Variants in DAB2IP observed in about 807,000 individuals in gnomAD.
The protein encoded by DAB2IP is disabled homolog 2-interacting protein.
Under a neutral mutation model 107.2 loss-of-function variants are expected in DAB2IP, and 28 were observed. That is an observed-to-expected ratio of 0.26 (90% CI 0.19 to 0.36). The LOEUF (loss-of-function observed/expected upper bound fraction) is 0.36. Ranked by LOEUF, DAB2IP falls within the 10% of genes least tolerant of loss-of-function variation. DAB2IP has a pLI of 1.00. For synonymous variants in DAB2IP, 755 were observed against 706.4 expected (o/e 1.07, Z -1.09); for missense variants, 1,400 against 1,644.7 (o/e 0.85, Z 2.57).
At chr9:121,668,889 G>C (rs546237854) in intron 1 of DAB2IP, among the ~76,000 whole-genome samples, 3 of 150,726 alleles carry the variant, frequency 2.0e-5, no homozygotes, top group South Asian at 4.2e-4. Flanking sequence ...CAGCTTAAAG[G>C]GTCCATAGTA....
chr9:121,652,288 T>C (rs1425693173), intron 1 of DAB2IP, among the ~76,000 whole-genome samples: 2 of 152,074 alleles, frequency 1.3e-5, no homozygotes, highest in Admixed American at 6.5e-5. Context: ...TTCTTCCCTT[T>C]CCAGGAACTT....
At chr9:121,651,283 G>A (rs933795324), upstream of DAB2IP, among the ~76,000 whole-genome samples, 1 of 152,238 alleles carries the variant, frequency 6.6e-6, no homozygotes, top group African/African-American at 2.4e-5. This position sits in a 1 kb window ranked among gnomAD's most constrained non-coding sequence, Gnocchi z 5.1. Flanking sequence ...GGCAGGAACG[G>A]ACCCTAATTG....
At chr9:121,628,842 T>G (rs1017278566) in intron 1 of DAB2IP, among the ~76,000 whole-genome samples, 2 of 152,202 alleles carry the variant, frequency 1.3e-5, no homozygotes, top group African/African-American at 4.8e-5. Flanking sequence ...GACTCTGTTG[T>G]TACCAGCTGT....
chr9:121,776,316 G>A lies in DAB2IP; in HGVS notation c.3239G>A (p.Arg1080Gln), dbSNP rs1348657443. 8.9e-6 allele frequency: 14 copies of A among 1,565,198 alleles called. No homozygotes were observed. Among genetic ancestry groups the A allele is most frequent in the Non-Finnish European group, 5.2e-6 (6 of 1,154,814 alleles). ...AAGCTGGTGCTGGAGTACCAGGCACGGCTGGAGGAGGGCGAGGAGCGGCTG... is the reference window on the plus strand; with the variant it reads ...AAGCTGGTGCTGGAGTACCAGGCACAGCTGGAGGAGGGCGAGGAGCGGCTG... The change falls in exon 14 of 16, where the codon CGG becomes CAG. Residue 1080 changes from arginine (R) to glutamine (Q), a missense_variant. By Grantham distance (43) the Arg-to-Gln change is conservative (BLOSUM62 1). This residue lies in a region of DAB2IP where 600 missense variants were observed against 659.1 expected (regional missense o/e 0.91). Coordinates refer to ENST00000408936, the Ensembl canonical transcript of DAB2IP. This position sits in a 1 kb window ranked among gnomAD's most constrained non-coding sequence, Gnocchi z 5.4.
intron 2 of DAB2IP, among the ~76,000 whole-genome samples, chr9:121,683,582 G>A (rs913372561): frequency 4.6e-5 from 7 of 152,222 alleles, no homozygotes; most frequent in Non-Finnish European, 1.0e-4. Context: ...AGAAGTGTCA[G>A]GGAGGGGAAG....
chr9:121,723,403 C>T (rs1831051654), intron 3 of DAB2IP, among the ~76,000 whole-genome samples: 1 of 152,230 alleles, frequency 6.6e-6, no homozygotes, highest in African/African-American at 2.4e-5. Context: ...CCTGGAGGAG[C>T]TCCCAGTCAG....
chr9:121,726,215 A>G (rs899936978), intron 3 of DAB2IP, among the ~76,000 whole-genome samples: 2 of 152,212 alleles, frequency 1.3e-5, no homozygotes, highest in African/African-American at 2.4e-5. Flanking sequence ...GCTTTAATCA[A>G]TCATGCCTAT....
Position 121,760,157 on chromosome 9 carries a change from A to G in DAB2IP, c.888A>G (p.Leu296=). 2 of 1,613,730 alleles carry G rather than the reference A, an allele frequency of 1.2e-6. No individual in the cohort carries two copies. The highest frequency in any genetic ancestry group is 1.7e-6 in the Non-Finnish European group (2 of 1,180,012). Residue 296 remains leucine, a synonymous_variant, in exon 6 of 16, where the codon CTA becomes CTG. Transcript: ENST00000408936. This position sits in a 1 kb window ranked among gnomAD's most constrained non-coding sequence, Gnocchi z 5.9. ...ACAGTTACCTGGGCCTGGTGAGCCTACCTGCTGCCTCGGTGGCCGGGCGGC... is the reference window on the plus strand; with the variant it reads ...ACAGTTACCTGGGCCTGGTGAGCCTGCCTGCTGCCTCGGTGGCCGGGCGGC...
intron 14 of DAB2IP, 43 bp from the exon 15 acceptor site, chr9:121,781,421 C>T (rs1056362962): frequency 1.2e-6 from 2 of 1,600,756 alleles, no homozygotes; most frequent in African/African-American, 1.3e-5. Flanking sequence ...CCCACCTCTG[C>T]TGCCTCCAGG....
chr9:121,596,294 G>T (rs981218322), intron 1 of DAB2IP, among the ~76,000 whole-genome samples: 1 of 152,140 alleles, frequency 6.6e-6, no homozygotes, highest in African/African-American at 2.4e-5. Context: ...TCGTGCCATT[G>T]CACTCCAGCC....
At chr9:121,602,478 C>T (rs190599920) in intron 1 of DAB2IP, among the ~76,000 whole-genome samples, 16 of 152,326 alleles carry the variant, frequency 1.1e-4, no homozygotes, top group Non-Finnish European at 1.9e-4. Context: ...ACTAAGGCCT[C>T]AAACTCCTGT....
intron 1 of DAB2IP, chr9:121,598,161 G>C (rs1442164882): frequency 6.6e-6 from 1 of 152,284 alleles, no homozygotes; most frequent in South Asian, 2.1e-4. Flanking sequence ...AATTACAGGC[G>C]TCCTCCCGCC....
chr9:121,768,196 G>A (rs773609450), intron 9 of DAB2IP, among the ~76,000 whole-genome samples: 28 of 152,182 alleles, frequency 1.8e-4, no homozygotes, highest in Non-Finnish European at 3.1e-4. Context: ...CAGTGTATGG[G>A]GGACACAGAA....
intron 1 of DAB2IP, among the ~76,000 whole-genome samples, chr9:121,590,741 C>T (rs1286694847): frequency 6.6e-6 from 1 of 152,178 alleles, no homozygotes; most frequent in Admixed American, 6.5e-5. Flanking sequence ...GGAAAGCAGA[C>T]GTGCCTTCAC....
intron 10 of DAB2IP, among the ~76,000 whole-genome samples, chr9:121,769,616 A>G (rs574566971): frequency 3.3e-5 from 5 of 152,284 alleles, no homozygotes; most frequent in African/African-American, 1.2e-4. Context: ...GTCCTGTTGC[A>G]ATCAAAGGCC....
intron 3 of DAB2IP, among the ~76,000 whole-genome samples, chr9:121,748,152 T>C (rs1484916093): frequency 1.3e-5 from 2 of 152,154 alleles, no homozygotes; most frequent in African/African-American, 2.4e-5. Flanking sequence ...GGAGTTGACG[T>C]AGGGTTTTTG....
chr9:121,624,549 C>T (rs1220142050), intron 1 of DAB2IP, among the ~76,000 whole-genome samples: 1 of 152,172 alleles, frequency 6.6e-6, no homozygotes, highest in African/African-American at 2.4e-5. Flanking sequence ...GATTTAACAC[C>T]ATATTTTTAC....
chr9:121,768,745 A>G, intron 10 of DAB2IP, 112 bp downstream of exon 10: 2 of 1,345,444 alleles, frequency 1.5e-6, no homozygotes, highest in Non-Finnish European at 2.1e-6. Context: ...TGGCATGATC[A>G]GGCCAGGTCC....
At chr9:121,587,356 C>T (rs1166433056) in intron 1 of DAB2IP, among the ~76,000 whole-genome samples, 1 of 152,086 alleles carries the variant, frequency 6.6e-6, no homozygotes, top group African/African-American at 2.4e-5. Flanking sequence ...CCTATAAATC[C>T]CAGCACTCTG....
Sources: gnomAD v4.1 joint callset for allele counts (sites outside exome capture counted in the v4.1 genomes callset) on GRCh38, gnomAD v4.1.1 for gene constraint, gnomAD v4.1.1 regional missense constraint, Gnocchi (gnomAD v3.1) non-coding constraint, MANE v1.5 for transcripts, NCBI Gene and HGNC (gene_info 2026-07-23, HGNC 2026-07-21) for gene names.